Variants in PARP11 observed in about 807,000 individuals in gnomAD.
PARP11 encodes the protein poly(ADP-ribose) polymerase family member 11.
A neutral mutation model predicts 42.9 loss-of-function variants in PARP11; 31 were observed. The observed-to-expected ratio is 0.72, with a 90% CI of 0.54 to 0.98. The LOEUF is 0.98. PARP11 is among the 50% of genes least tolerant of loss of function. The probability of loss-of-function intolerance (pLI) is 0.00; values close to 1 mark genes in which losing one functional copy is unlikely to be tolerated. For synonymous variants in PARP11, 137 were observed against 127.3 expected (o/e 1.08, Z -0.51); for missense variants, 365 against 413.1 (o/e 0.88, Z 1.01).
intron 1 of PARP11, among the ~76,000 whole-genome samples, chr12:3,837,985 C>T (rs1947801731): frequency 1.3e-5 from 2 of 151,092 alleles, no homozygotes; most frequent in Non-Finnish European, 2.9e-5. Flanking sequence ...GAGGGGTAGA[C>T]TGCAATACAG....
intron 1 of PARP11, chr12:3,842,560 A>G: frequency 1.5e-6 from 2 of 1,352,716 alleles, no homozygotes; most frequent in Non-Finnish European, 2.1e-6. Flanking sequence ...TCTTAGGTGG[A>G]ATGTTTCTGA....
chr12:3,859,960 A>G (rs10774176), intron 1 of PARP11, among the ~76,000 whole-genome samples: 19,060 of 152,244 alleles, frequency 0.13, 1,743 homozygotes, highest in East Asian at 0.43. Context: ...GGCTGAGGAA[A>G]CCTCTAAACA....
intron 1 of PARP11, among the ~76,000 whole-genome samples, chr12:3,844,180 T>C (rs1947952389): frequency 6.6e-6 from 1 of 152,314 alleles, no homozygotes; most frequent in South Asian, 2.1e-4. Flanking sequence ...AGCATTTAGA[T>C]AATGTAACAG....
intron 6 of PARP11, among the ~76,000 whole-genome samples, chr12:3,815,779 G>A (rs939580096): frequency 1.3e-5 from 2 of 152,162 alleles, no homozygotes; most frequent in African/African-American, 2.4e-5. Flanking sequence ...TTTATAAACT[G>A]AATGCAATAG....
chr12:3,836,821 T>G (rs1947774971), intron 1 of PARP11, among the ~76,000 whole-genome samples: 1 of 152,304 alleles, frequency 6.6e-6, no homozygotes, highest in East Asian at 1.9e-4. Flanking sequence ...GAATTGGATT[T>G]CCTCACCCAC....
chr12:3,815,460 C>A (rs1947267495), intron 6 of PARP11, among the ~76,000 whole-genome samples: 1 of 152,216 alleles, frequency 6.6e-6, no homozygotes, highest in Non-Finnish European at 1.5e-5. Context: ...CCTACCTAGG[C>A]TTTCTTTTCT....
At position 3,809,549 on chromosome 12, in the gene PARP11, T is replaced by C. The variant is rs925211433; in HGVS notation, c.*2574A>G. On this transcript the variant is annotated 3_prime_UTR_variant, in exon 8 of 8. Transcript: ENST00000228820. ...GGTTCCTAGTCACCTTGAGATAAGA[T>C]CTGCAAAGTCTAAAAGAAAAACAAC... The C allele has an allele frequency of 0.045, 5 of 112 alleles. No homozygotes were observed. The highest frequency in any genetic ancestry group is 0.086 in the African/African-American group (5 of 58). 0.0% of individuals were successfully genotyped at this position (112 alleles called of 1,614,324 possible).
At position 3,861,933 on chromosome 12, in the gene PARP11, G is replaced by A. The variant is rs1281592911; in HGVS notation, c.18+11279C>T. Among the ~76,000 whole-genome samples the A allele has an allele frequency of 2.6e-5, 4 of 152,132 alleles. No individual in the cohort carries two copies. Among genetic ancestry groups the A allele is most frequent in the East Asian group, 3.9e-4 (2 of 5,180 alleles). On this transcript the variant is annotated intron_variant, in intron 1 of 7. Coordinates refer to ENST00000228820, the MANE Select transcript of PARP11 (RefSeq NM_020367.6). This position sits in a 1 kb window ranked among gnomAD's most constrained non-coding sequence, Gnocchi z 4.6. ...CCAGCTACTCGGGAGGCTGAGACAG[G>A]AGAATGGCGTGAACCCAGGAGGCAG...
chr12:3,814,975 C>T, intron 6 of PARP11: 1 of 453,020 alleles, frequency 2.2e-6, no homozygotes, highest in Non-Finnish European at 4.4e-6. Flanking sequence ...ATACAAAATA[C>T]AAACAATAAG....
At chr12:3,834,922 T>C (rs12305957) in intron 1 of PARP11, among the ~76,000 whole-genome samples, 9,355 of 152,118 alleles carry the variant, frequency 0.061, 387 homozygotes, top group South Asian at 0.11. Context: ...AGAAACTTCA[T>C]TGGCACAAGG....
intron 1 of PARP11, among the ~76,000 whole-genome samples, chr12:3,836,383 T>A (rs1392050380): frequency 2.6e-5 from 4 of 151,858 alleles, no homozygotes; most frequent in African/African-American, 9.7e-5. Flanking sequence ...AGCAAAACTA[T>A]CTTTCAAAAA....
Position 3,840,305 on chromosome 12 carries a change from G to A in PARP11, c.19-10287C>T, listed in dbSNP as rs1947858333. ...AACCTCAAGGCACCTCCCCCAGAAA[G>A]CTGGAACACAGTGTCAGGGAAGAAG... On this transcript the variant is annotated intron_variant, in intron 1 of 7. Coordinates refer to ENST00000228820, the MANE Select transcript of PARP11 (RefSeq NM_020367.6). This position sits in a 1 kb window ranked among gnomAD's most constrained non-coding sequence, Gnocchi z 4.4. 2 of 1,614,132 alleles carry A rather than the reference G, an allele frequency of 1.2e-6. No individual in the cohort carries two copies. Among genetic ancestry groups the A allele is most frequent in the Non-Finnish European group, 1.7e-6 (2 of 1,179,990 alleles).
rs1465483487 is a variant in PARP11, at chr12:3,840,916, C to G, written c.19-10898G>C. On this transcript the variant is annotated intron_variant, in intron 1 of 7. Transcript: ENST00000228820. This position sits in a 1 kb window ranked among gnomAD's most constrained non-coding sequence, Gnocchi z 4.4. ...TCCCCTTCTAGTTTCTCCAGAGGTACATCTAACTCCTGCAGTGCCTTCTTT... is the reference window on the plus strand; with the variant it reads ...TCCCCTTCTAGTTTCTCCAGAGGTAGATCTAACTCCTGCAGTGCCTTCTTT... 1.9e-6 allele frequency: 3 copies of G among 1,601,338 alleles called. No homozygotes were observed. The highest frequency in any genetic ancestry group is 1.7e-6 in the Non-Finnish European group (2 of 1,168,478).
At chr12:3,817,365 G>A (rs751481564) in intron 6 of PARP11, among the ~76,000 whole-genome samples, 3 of 152,114 alleles carry the variant, frequency 2.0e-5, no homozygotes, top group Non-Finnish European at 4.4e-5. Flanking sequence ...ATTAGATGGT[G>A]CATATATACC....
At chr12:3,816,417 G>GCA (rs1947288142) in intron 6 of PARP11, among the ~76,000 whole-genome samples, 1 of 152,180 alleles carries the variant, frequency 6.6e-6, no homozygotes, top group South Asian at 2.1e-4. Flanking sequence ...GTTACTCTTT[G>GCA]CGTAAGACTT....
chr12:3,832,156 A>C (rs1947655162), intron 1 of PARP11: 1 of 977,244 alleles, frequency 1.0e-6, no homozygotes. Context: ...AAAGTGTTTC[A>C]GCAACATCCT....
At chr12:3,838,758 G>A (rs900662751) in intron 1 of PARP11, among the ~76,000 whole-genome samples, 2 of 152,202 alleles carry the variant, frequency 1.3e-5, no homozygotes, top group Non-Finnish European at 2.9e-5. Flanking sequence ...GCCCCCACCC[G>A]CTCCCCGCCC....
intron 6 of PARP11, among the ~76,000 whole-genome samples, chr12:3,820,021 C>A (rs1274313570): frequency 6.6e-6 from 1 of 152,172 alleles, no homozygotes; most frequent in Non-Finnish European, 1.5e-5. Context: ...TCTACCCACT[C>A]CACTCCACAT....
Position 3,840,721 on chromosome 12 carries a change from AGACTCTATT to A in PARP11, c.19-10712_19-10704del, listed in dbSNP as rs1947868208. On this transcript the variant is annotated intron_variant, in intron 1 of 7. Coordinates refer to ENST00000228820, the MANE Select transcript of PARP11 (RefSeq NM_020367.6). The surrounding 1 kb of genome is among the most constrained non-coding windows in gnomAD (Gnocchi z 4.4). ...TGGATACAGAAGAACGAAAAGACAA[AGACTCTATT>A]CATGGACATAGTTGGATAAAAGACC... 2.3e-6 allele frequency: 3 copies of A among 1,280,816 alleles called. No individual in the cohort carries two copies. The South Asian group carries it at 3.6e-5, about 15-fold the overall frequency. 79.3% of individuals were successfully genotyped at this position (1,280,816 alleles called of 1,614,324 possible). A position where few individuals can be genotyped will look rare whatever the true frequency, so the allele number is the denominator to read the frequency against.
Sources: gnomAD v4.1 joint callset for allele counts (sites outside exome capture counted in the v4.1 genomes callset) on GRCh38, gnomAD v4.1.1 for gene constraint, Gnocchi (gnomAD v3.1) non-coding constraint, MANE v1.5 for transcripts, NCBI Gene and HGNC (gene_info 2026-07-23, HGNC 2026-07-21) for gene names.